Variants in ZFHX3 observed in about 807,000 individuals in gnomAD.
ZFHX3 encodes the protein zinc finger homeobox protein 3.
In ZFHX3, 42 loss-of-function variants were observed where a neutral mutation model predicts 279.1. The observed-to-expected ratio is 0.15, with a 90% CI of 0.12 to 0.19. The LOEUF is 0.19. Ranked by LOEUF, ZFHX3 falls within the 10% of genes least tolerant of loss-of-function variation. ZFHX3 has a pLI of 1.00. For synonymous variants in ZFHX3, 2,293 were observed against 1,957.8 expected (o/e 1.17, Z -4.52); for missense variants, 4,981 against 4,754.0 (o/e 1.05, Z -1.40).
intron 2 of ZFHX3, among the ~76,000 whole-genome samples, chr16:73,674,851 G>C (rs953944922): frequency 6.6e-6 from 1 of 152,154 alleles, no homozygotes; most frequent in African/African-American, 2.4e-5. Flanking sequence ...CTTCTCAGCT[G>C]ACTATAACCA....
At chr16:73,592,393 A>G (rs992899896) in intron 2 of ZFHX3, among the ~76,000 whole-genome samples, 1 of 152,198 alleles carries the variant, frequency 6.6e-6, no homozygotes, top group African/African-American at 2.4e-5. Flanking sequence ...ATAAGATATT[A>G]TGATTGACAG....
At chr16:73,373,731 G>A (rs1351722580) in intron 3 of ZFHX3, among the ~76,000 whole-genome samples, 1 of 152,132 alleles carries the variant, frequency 6.6e-6, no homozygotes, top group Non-Finnish European at 1.5e-5. Flanking sequence ...CACATCTTTG[G>A]TTCAGAAATT....
chr16:73,193,863 C>T (rs1338174446), intron 5 of ZFHX3, among the ~76,000 whole-genome samples: 1 of 152,198 alleles, frequency 6.6e-6, no homozygotes, highest in African/African-American at 2.4e-5. Context: ...TGTAAGTATG[C>T]ACCACATGCT....
At position 73,369,214 on chromosome 16, in the gene ZFHX3, T is replaced by C. The variant is rs114886391; in HGVS notation, c.-1290-50878A>G. On this transcript the variant is annotated intron_variant, in intron 3 of 17. Coordinates refer to the ZFHX3 transcript ENST00000641206. ...GTTTGCTTTGGAGAGAAATACTTTC[T>C]ACTTGCCAGCATGGATTTAGTAGGG... Among the ~76,000 whole-genome samples the C allele has an allele frequency of 6.3e-3, 961 of 152,350 alleles. 5 individuals carry two copies. The highest frequency in any genetic ancestry group is 0.022 in the African/African-American group (906 of 41,580).
chr16:73,092,955 T>C (rs1355637503), intron 8 of ZFHX3: 3 of 519,976 alleles, frequency 5.8e-6, no homozygotes, highest in Non-Finnish European at 1.2e-5. Context: ...CCTGTATCCC[T>C]TCGTTTATGC....
At chr16:72,874,868 T>C (rs1238795873) in intron 4 of ZFHX3, among the ~76,000 whole-genome samples, 1 of 152,008 alleles carries the variant, frequency 6.6e-6, no homozygotes, top group Non-Finnish European at 1.5e-5. Context: ...AAGAATAACC[T>C]TTTTTTCCCC....
intron 3 of ZFHX3, among the ~76,000 whole-genome samples, chr16:73,439,909 C>CAA (rs71156164): frequency 0.012 from 928 of 75,130 alleles, no homozygotes; most frequent in African/African-American, 0.019. Flanking sequence ...GGGAGAGGGA[C>CAA]AAAAAAAAAA....
chr16:72,902,941 G>A (rs548357326), intron 3 of ZFHX3, among the ~76,000 whole-genome samples: 1 of 152,322 alleles, frequency 6.6e-6, no homozygotes, highest in African/African-American at 2.4e-5. Context: ...CCAAGTTTCT[G>A]AGGCCAAGTC....
intron 2 of ZFHX3, among the ~76,000 whole-genome samples, chr16:73,579,075 C>A (rs2051830152): frequency 6.6e-6 from 1 of 152,164 alleles, no homozygotes; most frequent in Admixed American, 6.5e-5. Flanking sequence ...TCTCTGAAGC[C>A]CGCACCTGGA....
intron 1 of ZFHX3, among the ~76,000 whole-genome samples, chr16:72,999,448 T>C (rs1597073381): frequency 6.6e-6 from 1 of 152,324 alleles, no homozygotes; most frequent in East Asian, 1.9e-4. Context: ...TGAGCCAACA[T>C]GCCTGGATAC....
intron 3 of ZFHX3, among the ~76,000 whole-genome samples, chr16:72,949,741 G>A (rs1178598514): frequency 8.7e-5 from 13 of 148,612 alleles, no homozygotes; most frequent in Non-Finnish European, 1.3e-4. Context: ...CAGAACCCAG[G>A]AAGCAACAGA....
chr16:73,596,293 G>C (rs61623465), intron 2 of ZFHX3, among the ~76,000 whole-genome samples: 83,610 of 152,000 alleles, frequency 0.55, 25,806 homozygotes, highest in East Asian at 0.8. Flanking sequence ...AAACTGCTGG[G>C]ATTACAGGCG....
At chr16:73,353,801 A>G (rs1265906139) in intron 3 of ZFHX3, among the ~76,000 whole-genome samples, 1 of 152,196 alleles carries the variant, frequency 6.6e-6, no homozygotes, top group African/African-American at 2.4e-5. Flanking sequence ...GAACAGGAGG[A>G]GATAGGAAAA....
At chr16:73,137,819 T>A (rs1567399280) in intron 6 of ZFHX3, among the ~76,000 whole-genome samples, 1 of 152,146 alleles carries the variant, frequency 6.6e-6, no homozygotes, top group Non-Finnish European at 1.5e-5. Flanking sequence ...ACAGCAGCTT[T>A]GTTATAATGC....
intron 3 of ZFHX3, among the ~76,000 whole-genome samples, chr16:72,939,112 A>C (rs1960279448): frequency 6.6e-6 from 1 of 152,156 alleles, no homozygotes; most frequent in Non-Finnish European, 1.5e-5. Flanking sequence ...AGAAAACAAG[A>C]GACATGGCGG....
intron 2 of ZFHX3, among the ~76,000 whole-genome samples, chr16:73,461,848 AT>A (rs2018477211): frequency 6.6e-6 from 1 of 152,162 alleles, no homozygotes; most frequent in Non-Finnish European, 1.5e-5. Flanking sequence ...TGTTTTAGCT[AT>A]TCTTGTTCCT....
chr16:73,348,706 C>A lies in ZFHX3; in HGVS notation c.-1290-30370G>T, dbSNP rs561904822. ...ACACTCACACGTTCTTTGCACTGAA[C>A]CCTTGGTGCTCATTTGGGAGGCTCT... On this transcript the variant is annotated intron_variant, in intron 3 of 17. Coordinates refer to the ZFHX3 transcript ENST00000641206. 1.8e-4 allele frequency among the ~76,000 whole-genome samples: 27 copies of A among 152,354 alleles called. No homozygotes were observed. In the East Asian group the frequency reaches 5.2e-3, roughly 29 times the overall value.
intron 5 of ZFHX3, among the ~76,000 whole-genome samples, chr16:73,149,079 T>C (rs1966884028): frequency 2.0e-5 from 3 of 148,806 alleles, no homozygotes. Context: ...GCCTGGCTCA[T>C]AGTGCTCAGT....
At chr16:73,283,901 A>G (rs1027642700) in intron 4 of ZFHX3, among the ~76,000 whole-genome samples, 6 of 152,126 alleles carry the variant, frequency 3.9e-5, no homozygotes, top group Admixed American at 2.0e-4. Flanking sequence ...ATGAGATATG[A>G]TCGTACCACT....
Sources: gnomAD v4.1 joint callset for allele counts (sites outside exome capture counted in the v4.1 genomes callset) on GRCh38, gnomAD v4.1.1 for gene constraint, MANE v1.5 for transcripts, NCBI Gene and HGNC (gene_info 2026-07-23, HGNC 2026-07-21) for gene names.